The following ZNF638 variants were observed in gnomAD, a reference collection of about 807,000 sequenced individuals.
The protein encoded by ZNF638 is CTCL tumor antigen se33-1.
A neutral mutation model predicts 195.6 loss-of-function variants in ZNF638; 46 were observed. The ratio of observed to expected loss-of-function variants is 0.24; its 90% CI spans 0.19 to 0.30. The LOEUF (loss-of-function observed/expected upper bound fraction) is 0.30, where lower values mean the gene tolerates loss of function less well. Ranked by LOEUF, ZNF638 falls within the 10% of genes least tolerant of loss-of-function variation. The pLI is 1.00. For synonymous variants in ZNF638, 845 were observed against 772.0 expected (o/e 1.09, Z -1.57); for missense variants, 2,440 against 2,325.3 (o/e 1.05, Z -1.01).
At chr2:71,421,579 C>G (rs1488228734) in intron 21 of ZNF638, among the ~76,000 whole-genome samples, 1 of 152,128 alleles carries the variant, frequency 6.6e-6, no homozygotes, top group African/African-American at 2.4e-5. Flanking sequence ...GTTAACATCT[C>G]AGCACACAGA....
intron 2 of ZNF638, among the ~76,000 whole-genome samples, chr2:71,351,702 T>C (rs2078943601): frequency 6.6e-6 from 1 of 152,238 alleles, no homozygotes; most frequent in African/African-American, 2.4e-5. Context: ...GTTTTGTACT[T>C]GACTCCAATT....
At chr2:71,390,785 CAG>C (rs1483303833) in intron 10 of ZNF638, among the ~76,000 whole-genome samples, 5 of 152,074 alleles carry the variant, frequency 3.3e-5, no homozygotes, top group Non-Finnish European at 5.9e-5. Context: ...TTGGGTCACT[CAG>C]AAACAAAAAA....
chr2:71,339,282 G>T (rs2078724764), intron 1 of ZNF638, among the ~76,000 whole-genome samples: 1 of 151,778 alleles, frequency 6.6e-6, no homozygotes, highest in African/African-American at 2.4e-5. Flanking sequence ...CCTCCTGAGT[G>T]GCTGGGATTA....
intron 10 of ZNF638, among the ~76,000 whole-genome samples, chr2:71,384,540 T>G (rs999838766): frequency 6.6e-6 from 1 of 152,208 alleles, no homozygotes; most frequent in African/African-American, 2.4e-5. Flanking sequence ...GATGGCTGAC[T>G]TCATTTAACT....
Position 71,419,964 on chromosome 2 carries a change from C to CG in ZNF638, c.3299+1325_3299+1326insG, listed in dbSNP as rs1204235029. On this transcript the variant is annotated intron_variant, in intron 21 of 27. Coordinates refer to ENST00000264447, the MANE Select transcript of ZNF638 (RefSeq NM_014497.5). ...GCACCAAAAACTTCTTAATTCCCAC[C>CG]CCCCCCCGCCTTTTTTTTTTTTTTT... 3.0e-4 allele frequency among the ~76,000 whole-genome samples: 23 copies of CG among 75,566 alleles called. 8 individuals are homozygous for CG. In the Admixed American group the frequency reaches 3.9e-3, roughly 13 times the overall value. 49.6% of individuals were successfully genotyped at this position (75,566 alleles called of 152,430 possible). A position where few individuals can be genotyped will look rare whatever the true frequency, so the allele number is the denominator to read the frequency against.
Position 71,369,961 on chromosome 2 carries a change from G to T in ZNF638, c.2221G>T (p.Gly741Ter). ...TGAAACAACACCTCTTACGATAAAA[G>T]GAAAAAGTGTGAAAATATGTGTTCC... ...YIETTPLTIK[G>*]KSVKICVPGK... The change falls in exon 8 of 28, where the codon GGA (glycine) becomes TGA (stop). Residue 741 changes from glycine to a stop codon, truncating the protein, a stop_gained. Coordinates refer to ENST00000264447, the MANE Select transcript of ZNF638 (RefSeq NM_014497.5). LOFTEE classifies it high-confidence loss of function. The T allele has an allele frequency of 6.3e-7, 1 of 1,593,610 alleles. No individual in the cohort carries two copies. Among genetic ancestry groups the T allele is most frequent in the South Asian group, 1.2e-5 (1 of 86,012 alleles).
intron 10 of ZNF638, among the ~76,000 whole-genome samples, chr2:71,391,796 C>T (rs780016425): frequency 6.6e-6 from 1 of 152,164 alleles, no homozygotes. Flanking sequence ...GGCAGTGCTG[C>T]CCTAGACTCA....
chr2:71,395,709 T>A, intron 10 of ZNF638: 1 of 447,330 alleles, frequency 2.2e-6, no homozygotes, highest in Non-Finnish European at 4.2e-6. Context: ...ATTCTCTCTT[T>A]GGTGTCTCTA....
rs565499493 is a variant in ZNF638, at chr2:71,429,786, A to C, written c.5650+1135A>C. Reference sequence around the variant, plus strand: ...TGATTTTTTAAAGTGTTTTCTTCTTAAGTTAGTCTTACTTGACTTTTCCAC... The same window carrying C: ...TGATTTTTTAAAGTGTTTTCTTCTTCAGTTAGTCTTACTTGACTTTTCCAC... On this transcript the variant is annotated intron_variant, in intron 25 of 27. Transcript: ENST00000264447. Among the ~76,000 whole-genome samples the C allele has an allele frequency of 4.6e-5, 7 of 152,254 alleles. No individual in the cohort carries two copies. The South Asian group carries it at 1.4e-3, about 32-fold the overall frequency.
intron 2 of ZNF638, among the ~76,000 whole-genome samples, chr2:71,352,027 C>T (rs989758317): frequency 7.2e-5 from 11 of 152,106 alleles, no homozygotes; most frequent in Non-Finnish European, 4.4e-5. Context: ...AATATGCATC[C>T]TGACATCAAA....
chr2:71,364,244 GATC>G lies in ZNF638; in HGVS notation c.1714_1716del (p.Ser572del). 6.2e-7 allele frequency: 1 copy of G among 1,613,228 alleles called. No homozygotes were observed. Among genetic ancestry groups the G allele is most frequent in the South Asian group, 1.1e-5 (1 of 91,010 alleles). ...GAGAGGATGTCAAGGAGATCAGTGA[GATC>G]ATCAGGTACACTGATGGCCATGAAA... On this transcript the variant is annotated inframe_deletion, in exon 5 of 28. Coordinates refer to ENST00000264447, the MANE Select transcript of ZNF638 (RefSeq NM_014497.5).
At chr2:71,398,567 C>T in intron 11 of ZNF638, 134 bp from the exon 12 acceptor site, 2 of 753,688 alleles carry the variant, frequency 2.7e-6, no homozygotes, top group African/African-American at 1.8e-5. Flanking sequence ...GCCTATGTCC[C>T]CAAAGATGAT....
chr2:71,408,470 T>TAA (rs1266130249), intron 20 of ZNF638: 1 of 474,244 alleles, frequency 2.1e-6, no homozygotes, highest in East Asian at 4.1e-5. Context: ...TTTGAATACT[T>TAA]ACTGTTGACA....
At chr2:71,338,205 A>G (rs1009295692) in intron 1 of ZNF638, among the ~76,000 whole-genome samples, 3 of 152,128 alleles carry the variant, frequency 2.0e-5, no homozygotes, top group African/African-American at 7.2e-5. Context: ...ATTAGAATTT[A>G]CCTCTGTAAC....
In ZNF638 at chr2:71,435,013, C is replaced by T. The variant is rs1415191846; in HGVS notation, c.*206C>T. 4.5e-6 allele frequency: 2 copies of T among 447,754 alleles called. No homozygotes were observed. Among genetic ancestry groups the T allele is most frequent in the Non-Finnish European group, 8.1e-6 (2 of 247,226 alleles). 27.7% of individuals were successfully genotyped at this position (447,754 alleles called of 1,614,324 possible). ...CAAATCATCAGGCATGGAGAAATAT[C>T]TTTTAGAAGTGTTAAAATAAATGTT... On this transcript the variant is annotated 3_prime_UTR_variant, in exon 28 of 28. Coordinates refer to ENST00000264447, the MANE Select transcript of ZNF638 (RefSeq NM_014497.5).
chr2:71,360,723 C>G (rs767281597), intron 3 of ZNF638, among the ~76,000 whole-genome samples: 1 of 152,104 alleles, frequency 6.6e-6, no homozygotes, highest in Non-Finnish European at 1.5e-5. Context: ...ATTTTTGTTG[C>G]AAATGCTTCG....
At chr2:71,366,993 A>G (rs2079211757) in intron 6 of ZNF638, among the ~76,000 whole-genome samples, 1 of 152,144 alleles carries the variant, frequency 6.6e-6, no homozygotes, top group Admixed American at 6.5e-5. Context: ...TTAGGTATGG[A>G]ATGCATTGCT....
chr2:71,421,019 G>C (rs891081727), intron 21 of ZNF638, among the ~76,000 whole-genome samples: 2 of 152,118 alleles, frequency 1.3e-5, no homozygotes, highest in African/African-American at 2.4e-5. Context: ...ACTTGTGAAG[G>C]GGAAAGTCTT....
chr2:71,350,932 T>A (rs1207458373), intron 2 of ZNF638, among the ~76,000 whole-genome samples: 5 of 152,180 alleles, frequency 3.3e-5, no homozygotes, highest in African/African-American at 1.2e-4. Context: ...TTAGGTAGTT[T>A]GATAGTATAG....
Sources: allele counts gnomAD v4.1 joint callset (sites outside exome capture counted in the v4.1 genomes callset), GRCh38; gene constraint gnomAD v4.1.1; transcripts MANE v1.5; gene names NCBI Gene and HGNC (gene_info 2026-07-23, HGNC 2026-07-21).